The following PLA2G12A variants were observed in gnomAD, a reference collection of about 807,000 sequenced individuals.
PLA2G12A encodes the protein group XIIA secretory phospholipase A2.
Under a neutral mutation model 16.0 loss-of-function variants are expected in PLA2G12A, and 11 were observed. The observed-to-expected ratio is 0.69, with a 90% confidence interval of 0.43 to 1.13. The LOEUF (loss-of-function observed/expected upper bound fraction) is 1.13. Ranked by LOEUF, PLA2G12A falls within the 50% of genes most tolerant of loss-of-function variation. The pLI, the probability that PLA2G12A is intolerant of heterozygous loss-of-function variation, is 0.00. For synonymous variants in PLA2G12A, 77 were observed against 93.8 expected (o/e 0.82, Z 1.03); for missense variants, 214 against 237.3 (o/e 0.90, Z 0.65).
At chr4:109,715,336 C>T (rs988945063) in intron 3 of PLA2G12A, among the ~76,000 whole-genome samples, 2 of 152,152 alleles carry the variant, frequency 1.3e-5, no homozygotes, top group Non-Finnish European at 2.9e-5. Flanking sequence ...ACTGATCATA[C>T]ATCAGTTAAG....
intron 1 of PLA2G12A, among the ~76,000 whole-genome samples, chr4:109,728,583 AG>A (rs1312172980): frequency 6.6e-6 from 1 of 152,248 alleles, no homozygotes; most frequent in Non-Finnish European, 1.5e-5. Context: ...AAAGTATACA[AG>A]ATACAGTTCA....
rs200598772 is a variant in PLA2G12A at position 109,714,002 on chromosome 4, TTGAACAGACATTA to T, written c.*362_*374del. ...TCCCCATTTTCCAAATAAGATAATG[TTGAACAGACATTA>T]TGATGAATTTTATATTTGATCTCTT... On this transcript the variant is annotated 3_prime_UTR_variant, in exon 4 of 4. Transcript: ENST00000243501. The T allele has an allele frequency of 0.011, 1,820 of 172,134 alleles. 17 individuals are homozygous for T. The highest frequency in any genetic ancestry group is 0.019 in the South Asian group (116 of 6,076). The allele number at this position is 172,134 out of a possible 1,614,324, so 10.7% of individuals were successfully genotyped here.
At chr4:109,719,887 G>A (rs180843731) in intron 1 of PLA2G12A, among the ~76,000 whole-genome samples, 13 of 152,110 alleles carry the variant, frequency 8.5e-5, no homozygotes, top group Non-Finnish European at 1.6e-4. Flanking sequence ...GCTAACCTTC[G>A]ATTTGTTAAA....
intron 1 of PLA2G12A, among the ~76,000 whole-genome samples, chr4:109,723,009 T>C (rs1006768988): frequency 1.3e-5 from 2 of 152,204 alleles, no homozygotes; most frequent in Admixed American, 1.3e-4. Context: ...AGAGTCTCTT[T>C]TGGGCTTGGT....
Position 109,713,322 on chromosome 4 carries a change from T to C in PLA2G12A, c.*1055A>G, listed in dbSNP as rs962341173. On this transcript the variant is annotated 3_prime_UTR_variant, in exon 4 of 4. Coordinates refer to ENST00000243501, the MANE Select transcript of PLA2G12A (RefSeq NM_030821.5). The stretch of plus-strand genomic sequence containing the variant: ...TTTTCTTGGATTTGCTCTAAACATA[T>C]GGTAATAATTTTCAATGTAAATAAG... The C allele has an allele frequency of 3.9e-5, 6 of 152,180 alleles. No individual in the cohort carries two copies. The highest frequency in any genetic ancestry group is 1.5e-5 in the Non-Finnish European group (1 of 68,032). 9.4% of individuals were successfully genotyped at this position (152,180 alleles called of 1,614,324 possible). A position where few individuals can be genotyped will look rare whatever the true frequency, so the allele number is the denominator to read the frequency against.
intron 1 of PLA2G12A, among the ~76,000 whole-genome samples, chr4:109,719,483 A>ACTGG (rs1305832571): frequency 6.6e-6 from 1 of 152,224 alleles, no homozygotes; most frequent in Admixed American, 6.5e-5. Flanking sequence ...TTGGAAGGCT[A>ACTGG]ATGTTCCCCA....
chr4:109,718,592 G>T, intron 2 of PLA2G12A, 91 bp downstream of exon 2: 1 of 986,620 alleles, frequency 1.0e-6, no homozygotes, highest in East Asian at 2.6e-5. Context: ...AATTATTTGT[G>T]AATCTAAGAA....
chr4:109,720,588 AAAAAAAAAAAAAAAAAATATATAT>A (rs1190845101), intron 1 of PLA2G12A, among the ~76,000 whole-genome samples: 1,199 of 64,600 alleles, frequency 0.019, 5 homozygotes, highest in Non-Finnish European at 0.023. Flanking sequence ...AAAAAAAAAA[AAAAAAAAAAAAAAAAAATATATAT>A]ATATATATAT....
chr4:109,724,904 T>C (rs1028757878), intron 1 of PLA2G12A, among the ~76,000 whole-genome samples: 5 of 152,094 alleles, frequency 3.3e-5, no homozygotes, highest in Admixed American at 3.3e-4. Flanking sequence ...AAATAAATGC[T>C]GGTAAAAAGT....
At chr4:109,721,851 A>G (rs1280728772) in intron 1 of PLA2G12A, among the ~76,000 whole-genome samples, 1 of 152,102 alleles carries the variant, frequency 6.6e-6, no homozygotes, top group Admixed American at 6.5e-5. Context: ...TATACCCCAC[A>G]TTCAATCCAA....
At chr4:109,722,221 C>T (rs1474996842) in intron 1 of PLA2G12A, among the ~76,000 whole-genome samples, 1 of 152,230 alleles carries the variant, frequency 6.6e-6, no homozygotes, top group Non-Finnish European at 1.5e-5. Flanking sequence ...TTCCTTTCTT[C>T]CTCAACCTAT....
chr4:109,719,209 A>G (rs987270822), intron 1 of PLA2G12A, among the ~76,000 whole-genome samples: 2 of 152,168 alleles, frequency 1.3e-5, no homozygotes, highest in African/African-American at 4.8e-5. Flanking sequence ...TTGCATACAA[A>G]CCTCAATAAC....
chr4:109,725,808 C>T (rs1193857887), intron 1 of PLA2G12A, among the ~76,000 whole-genome samples: 1 of 152,146 alleles, frequency 6.6e-6, no homozygotes, highest in Non-Finnish European at 1.5e-5. Context: ...ATGACAAGCA[C>T]AAGAAGTAGT....
At chr4:109,720,586 AAAAAAAAAAAAAAAAAAAATATAT>A (rs1261767084) in intron 1 of PLA2G12A, among the ~76,000 whole-genome samples, 73 of 56,122 alleles carry the variant, frequency 1.3e-3, no homozygotes, top group East Asian at 3.5e-3. Context: ...AAAAAAAAAA[AAAAAAAAAAAAAAAAAAAATATAT>A]ATATATATAT....
intron 3 of PLA2G12A, among the ~76,000 whole-genome samples, chr4:109,716,485 C>T (rs1162622825): frequency 6.6e-6 from 1 of 152,182 alleles, no homozygotes; most frequent in Non-Finnish European, 1.5e-5. Flanking sequence ...ATTTTCCTTT[C>T]CTGCCTTGCC....
chr4:109,714,594 C>T (rs1453216074), intron 3 of PLA2G12A, 99 bp from the exon 4 acceptor site: 2 of 771,356 alleles, frequency 2.6e-6, no homozygotes, highest in Non-Finnish European at 2.3e-6. Flanking sequence ...CCCTCGTGAG[C>T]ACTGAAATGT....
intron 1 of PLA2G12A, among the ~76,000 whole-genome samples, chr4:109,720,649 T>A: frequency 8.1e-6 from 1 of 123,050 alleles, no homozygotes; most frequent in African/African-American, 3.2e-5. Flanking sequence ...ATATATGAAT[T>A]TTAAAAAAAT....
intron 3 of PLA2G12A, among the ~76,000 whole-genome samples, chr4:109,715,482 A>T (rs552629314): frequency 9.5e-5 from 13 of 136,728 alleles, no homozygotes; most frequent in Admixed American, 5.2e-4. Flanking sequence ...TTATTTATTT[A>T]TTTTATTTAT....
intron 1 of PLA2G12A, among the ~76,000 whole-genome samples, chr4:109,726,935 T>TA (rs1397471747): frequency 6.6e-6 from 1 of 151,100 alleles, no homozygotes; most frequent in Admixed American, 6.6e-5. Flanking sequence ...CTCACTCTTT[T>TA]TTTTTTTTTT....
Sources: gnomAD v4.1 joint callset for allele counts (sites outside exome capture counted in the v4.1 genomes callset) on GRCh38, gnomAD v4.1.1 for gene constraint, MANE v1.5 for transcripts, NCBI Gene and HGNC (gene_info 2026-07-23, HGNC 2026-07-21) for gene names.